The following WWOX variants were observed in gnomAD, a reference collection of about 807,000 sequenced individuals.
WWOX encodes WW domain-containing oxidoreductase.
In WWOX, 69 loss-of-function variants were observed where a neutral mutation model predicts 46.2. The observed-to-expected ratio is 1.49, with a 90% CI of 1.23 to 1.82. The LOEUF is 1.82. WWOX is among the 40% of genes most tolerant of loss of function. WWOX has a pLI of 0.00. For synonymous variants in WWOX, 359 were observed against 202.6 expected, an observed-to-expected ratio of 1.77 and a Z score of -6.56; for missense variants, 919 against 542.6, an observed-to-expected ratio of 1.69 and a Z score of -6.89.
chr16:78,448,314 G>C (rs1031707430), intron 8 of WWOX, among the ~76,000 whole-genome samples: 3 of 152,122 alleles, frequency 2.0e-5, no homozygotes, highest in African/African-American at 7.2e-5. Flanking sequence ...CTATGTATTA[G>C]TTATCTATCA....
chr16:78,443,784 T>C (rs1342048533), intron 8 of WWOX, among the ~76,000 whole-genome samples: 1 of 152,222 alleles, frequency 6.6e-6, no homozygotes, highest in Non-Finnish European at 1.5e-5. Flanking sequence ...GTAGCTCTTT[T>C]ATTACTTTTC....
At chr16:79,030,796 G>A (rs2047737471) in intron 8 of WWOX, among the ~76,000 whole-genome samples, 1 of 152,070 alleles carries the variant, frequency 6.6e-6, no homozygotes, top group Non-Finnish European at 1.5e-5. Flanking sequence ...GAAGAATCCA[G>A]GAAGGGCTGG....
At chr16:78,544,614 G>A (rs1173198842) in intron 8 of WWOX, among the ~76,000 whole-genome samples, 1 of 152,166 alleles carries the variant, frequency 6.6e-6, no homozygotes, top group Non-Finnish European at 1.5e-5. Context: ...GGCTGGGCAT[G>A]GTGGCTCACA....
chr16:78,224,207 G>A (rs1269943390), intron 5 of WWOX, among the ~76,000 whole-genome samples: 2 of 152,014 alleles, frequency 1.3e-5, no homozygotes, highest in Non-Finnish European at 1.5e-5. Flanking sequence ...GTTTCACCAC[G>A]TTAGCCAGGA....
chr16:79,098,850 C>G (rs113934017), intron 8 of WWOX, among the ~76,000 whole-genome samples: 426 of 152,224 alleles, frequency 2.8e-3, no homozygotes, highest in Middle Eastern at 0.024. Flanking sequence ...CTCTGTATAT[C>G]TTTTAAAATT....
chr16:79,044,307 G>A (rs955454292), intron 8 of WWOX, among the ~76,000 whole-genome samples: 2 of 152,178 alleles, frequency 1.3e-5, no homozygotes, highest in African/African-American at 2.4e-5. Context: ...TGTTGTCCCT[G>A]CCCAAAGCTC....
intron 8 of WWOX, among the ~76,000 whole-genome samples, chr16:78,964,712 C>G (rs2046333443): frequency 6.6e-6 from 1 of 152,210 alleles, no homozygotes; most frequent in African/African-American, 2.4e-5. Context: ...GAAAATGTCT[C>G]CAGGCCATGT....
chr16:78,570,097 T>C (rs898090994), intron 8 of WWOX, among the ~76,000 whole-genome samples: 2 of 152,222 alleles, frequency 1.3e-5, no homozygotes, highest in African/African-American at 4.8e-5. Context: ...AACTTCTTTA[T>C]TGGTAAAAGG....
chr16:78,543,916 A>G (rs1018584500), intron 8 of WWOX, among the ~76,000 whole-genome samples: 6 of 152,184 alleles, frequency 3.9e-5, no homozygotes, highest in African/African-American at 1.4e-4. Context: ...ATAAACTAAC[A>G]TCTCAACAGC....
rs553006523 is a variant in WWOX, at chr16:78,992,764, A to G, written c.1057-218844A>G. The stretch of plus-strand genomic sequence containing the variant: ...GCCTGCCAGGGTCCCTGACTCCCGG[A>G]GGAAAGTGTCCTCTGAGCCCTCCTT... On this transcript the variant is annotated intron_variant, in intron 8 of 8. Coordinates refer to ENST00000566780, the MANE Select transcript of WWOX (RefSeq NM_016373.4). Among the ~76,000 whole-genome samples the G allele has an allele frequency of 5.3e-5, 8 of 152,258 alleles. No individual in the cohort carries two copies. In the South Asian group the frequency reaches 1.7e-3, roughly 32 times the overall value.
At chr16:79,053,495 G>C (rs371858318) in intron 8 of WWOX, among the ~76,000 whole-genome samples, 1 of 152,146 alleles carries the variant, frequency 6.6e-6, no homozygotes, top group South Asian at 2.1e-4. Flanking sequence ...GCACAGTAAG[G>C]TAATGTAAAT....
At chr16:79,178,618 G>A (rs1420426531) in intron 8 of WWOX, among the ~76,000 whole-genome samples, 1 of 152,100 alleles carries the variant, frequency 6.6e-6, no homozygotes, top group Non-Finnish European at 1.5e-5. Context: ...CACCCAGCCT[G>A]ATTCCTGTTT....
At chr16:78,266,493 T>A (rs1245193212) in intron 5 of WWOX, among the ~76,000 whole-genome samples, 1 of 152,192 alleles carries the variant, frequency 6.6e-6, no homozygotes, top group Non-Finnish European at 1.5e-5. Context: ...ACGTCTGCCT[T>A]TGTTCTTCTT....
chr16:78,099,937 A>T (rs1159981389), intron 1 of WWOX, 52 bp downstream of exon 1: 3 of 1,538,616 alleles, frequency 1.9e-6, no homozygotes, highest in South Asian at 2.4e-5. Context: ...TGCACAGCCC[A>T]CGGACGCCAC....
At chr16:78,529,614 A>G (rs921009402) in intron 8 of WWOX, among the ~76,000 whole-genome samples, 2 of 151,984 alleles carry the variant, frequency 1.3e-5, no homozygotes, top group Non-Finnish European at 2.9e-5. Flanking sequence ...TTACAGGTGC[A>G]TGCCATCACA....
intron 8 of WWOX, among the ~76,000 whole-genome samples, chr16:78,964,217 G>A (rs1055027655): frequency 3.9e-5 from 6 of 152,320 alleles, no homozygotes; most frequent in African/African-American, 7.2e-5. Flanking sequence ...AGTTAGAACC[G>A]TTGGGAGGTC....
chr16:78,622,543 A>T (rs1460212356), intron 8 of WWOX, among the ~76,000 whole-genome samples: 2 of 15,198 alleles, frequency 1.3e-4, no homozygotes, highest in East Asian at 2.3e-3. Context: ...ACTCCATCTT[A>T]AAAAAAAAAA....
At chr16:78,136,154 T>C (rs1383233662) in intron 4 of WWOX, among the ~76,000 whole-genome samples, 3 of 152,184 alleles carry the variant, frequency 2.0e-5, no homozygotes, top group East Asian at 3.8e-4. Context: ...AAATTCACAA[T>C]GCGTGCCAAA....
chr16:78,522,086 C>T (rs1330014644), intron 8 of WWOX, among the ~76,000 whole-genome samples: 1 of 150,744 alleles, frequency 6.6e-6, no homozygotes, highest in Non-Finnish European at 1.5e-5. Flanking sequence ...CATCCACAGC[C>T]TGTGCTCTTT....
Sources: gnomAD v4.1 joint callset for allele counts (sites outside exome capture counted in the v4.1 genomes callset) on GRCh38, gnomAD v4.1.1 for gene constraint, MANE v1.5 for transcripts, NCBI Gene and HGNC (gene_info 2026-07-23, HGNC 2026-07-21) for gene names.